METTL15: variants seen among roughly 807,000 people sequenced by gnomAD.
METTL15 encodes 12S rRNA N(4)-cytidine methyltransferase METTL15.
METTL15 carries 34 observed loss-of-function variants against 38.3 expected under a neutral mutation model. The ratio of observed to expected loss-of-function variants is 0.89; its 90% CI spans 0.68 to 1.18. The LOEUF is 1.18. METTL15 is among the 50% of genes most tolerant of loss of function. The probability of loss-of-function intolerance (pLI) is 0.00; values close to 1 mark genes in which losing one functional copy is unlikely to be tolerated. For synonymous variants in METTL15, 162 were observed against 170.9 expected, an observed-to-expected ratio of 0.95 and a Z score of 0.41; for missense variants, 438 against 498.4, an observed-to-expected ratio of 0.88 and a Z score of 1.15.
At chr11:28,416,084 C>A (rs1375707801) in intron 5 of METTL15, among the ~76,000 whole-genome samples, 6 of 152,218 alleles carry the variant, frequency 3.9e-5, no homozygotes, top group Non-Finnish European at 8.8e-5. Flanking sequence ...TCCAGATTGA[C>A]TTTACAATAG....
chr11:28,475,019 G>A (rs146885801), intron 6 of METTL15, among the ~76,000 whole-genome samples: 9 of 152,266 alleles, frequency 5.9e-5, no homozygotes, highest in Admixed American at 3.9e-4. Flanking sequence ...TAATCAGATC[G>A]TTTTGATAGC....
intron 3 of METTL15, among the ~76,000 whole-genome samples, chr11:28,349,912 A>T (rs1033018166): frequency 6.6e-6 from 1 of 152,236 alleles, no homozygotes; most frequent in Non-Finnish European, 1.5e-5. Context: ...ATAGAATTGC[A>T]CAGAAGGTGT....
At chr11:28,484,542 G>T (rs1339947602) in intron 6 of METTL15, among the ~76,000 whole-genome samples, 1 of 152,014 alleles carries the variant, frequency 6.6e-6, no homozygotes, top group Non-Finnish European at 1.5e-5. Context: ...TTTCTCCATT[G>T]CAGTCTCTAT....
chr11:28,151,181 TTATAC>T (rs1196981494), intron 3 of METTL15, among the ~76,000 whole-genome samples: 4 of 151,924 alleles, frequency 2.6e-5, no homozygotes, highest in Non-Finnish European at 1.5e-5. Flanking sequence ...ACTCTAAATA[TTATAC>T]TATATATAAT....
At chr11:28,356,985 G>T (rs1213185237) in intron 4 of METTL15, among the ~76,000 whole-genome samples, 1 of 152,162 alleles carries the variant, frequency 6.6e-6, no homozygotes, top group Admixed American at 6.5e-5. Flanking sequence ...GGCACAGTTA[G>T]CTGCACACTT....
chr11:28,117,677 C>T (rs12280725), intron 3 of METTL15, among the ~76,000 whole-genome samples: 23,347 of 152,060 alleles, frequency 0.15, 1,947 homozygotes, highest in East Asian at 0.28. Flanking sequence ...TTTAATGTTT[C>T]CAATGTTACT....
chr11:28,378,547 C>G (rs1351730424), intron 5 of METTL15, among the ~76,000 whole-genome samples: 1 of 152,142 alleles, frequency 6.6e-6, no homozygotes, highest in Non-Finnish European at 1.5e-5. Context: ...TGACCTGCAC[C>G]CACTGTCTGG....
At chr11:28,233,904 T>C (rs2133887485) in intron 4 of METTL15, among the ~76,000 whole-genome samples, 1 of 151,798 alleles carries the variant, frequency 6.6e-6, no homozygotes, top group African/African-American at 2.4e-5. Flanking sequence ...GCTGCACCCA[T>C]TAACTCGTCA....
intron 5 of METTL15, among the ~76,000 whole-genome samples, chr11:28,368,430 T>G (rs903825236): frequency 1.3e-5 from 2 of 151,954 alleles, no homozygotes; most frequent in Non-Finnish European, 2.9e-5. Context: ...ATTAGAAAAA[T>G]GCAAGTCAAA....
intron 4 of METTL15, among the ~76,000 whole-genome samples, chr11:28,244,553 G>GT (rs1337128404): frequency 6.6e-6 from 1 of 152,050 alleles, no homozygotes; most frequent in African/African-American, 2.4e-5. Flanking sequence ...AGTTCAGTTT[G>GT]TTTTTGGTAT....
At chr11:28,312,993 G>C (rs2134030170) in intron 6 of METTL15, among the ~76,000 whole-genome samples, 1 of 150,114 alleles carries the variant, frequency 6.7e-6, no homozygotes, top group African/African-American at 2.5e-5. Flanking sequence ...TTCTTTTTAA[G>C]CCCTGTCACT....
chr11:28,468,606 G>C, intron 6 of METTL15, among the ~76,000 whole-genome samples: 1 of 152,080 alleles, frequency 6.6e-6, no homozygotes, highest in East Asian at 1.9e-4. Context: ...GTCATAAATT[G>C]CCAAAGCACT....
chr11:28,471,667 A>T lies in METTL15; in HGVS notation c.*424+47303A>T, dbSNP rs548731991. On this transcript the variant is annotated intron_variant and NMD_transcript_variant, in intron 6 of 7. Transcript: ENST00000532947. The stretch of plus-strand genomic sequence containing the variant: ...ACAGAACATAACACATTCTGAACCA[A>T]GGTCTAGATATAATGCAAGCTTCTC... 2.4e-4 allele frequency among the ~76,000 whole-genome samples: 37 copies of T among 152,232 alleles called. No homozygotes were observed. The South Asian group carries it at 7.5e-3, about 31-fold the overall frequency.
chr11:28,515,023 T>G lies in METTL15; in HGVS notation c.*425-11455T>G, dbSNP rs752770294. ...AAAGAAATAATGATATCTATGTACA[T>G]TAAGTATGGCTACTACAGTTTTAAA... On this transcript the variant is annotated intron_variant and NMD_transcript_variant, in intron 6 of 7. Coordinates refer to the METTL15 transcript ENST00000532947. Among the ~76,000 whole-genome samples the G allele has an allele frequency of 2.4e-4, 37 of 152,338 alleles. 2 individuals are homozygous for G. The South Asian group carries it at 2.5e-3, about 10-fold the overall frequency.
chr11:28,341,024 C>T (rs1007777279), intron 3 of METTL15, among the ~76,000 whole-genome samples: 3 of 152,104 alleles, frequency 2.0e-5, no homozygotes, highest in Admixed American at 6.5e-5. Context: ...TTTGCAGGAA[C>T]GTGGATGAAG....
At position 28,519,766 on chromosome 11, in the gene METTL15, TA is replaced by T. The variant is rs943704235; in HGVS notation, c.*425-6703del. On this transcript the variant is annotated intron_variant and NMD_transcript_variant, in intron 6 of 7. Transcript: ENST00000532947. The stretch of plus-strand genomic sequence containing the variant: ...GTAATATTCTATTTTGCAGAAAGGC[TA>T]AAAAAAAATAGCATAGACATCACTG... Among the ~76,000 whole-genome samples, 487 of 150,644 alleles carry T rather than the reference TA, an allele frequency of 3.2e-3. 1 individual carries two copies. Among genetic ancestry groups the T allele is most frequent in the African/African-American group, 0.011 (460 of 41,058 alleles).
chr11:28,528,512 A>G (rs1851826523), downstream of METTL15, among the ~76,000 whole-genome samples: 1 of 152,194 alleles, frequency 6.6e-6, no homozygotes, highest in African/African-American at 2.4e-5. Flanking sequence ...ACTGAGAACA[A>G]ACTGAACCCA....
At chr11:28,272,499 A>T (rs991864846) in intron 4 of METTL15, among the ~76,000 whole-genome samples, 1 of 152,138 alleles carries the variant, frequency 6.6e-6, no homozygotes, top group Admixed American at 6.5e-5. Flanking sequence ...GCTCTCACTC[A>T]TAAGTGGGAG....
chr11:28,146,164 TA>T (rs1401862688), intron 3 of METTL15, among the ~76,000 whole-genome samples: 3 of 152,192 alleles, frequency 2.0e-5, no homozygotes, highest in Admixed American at 6.6e-5. Context: ...TTCTGACTGT[TA>T]AAACTTTCTG....
Sources: allele counts gnomAD v4.1 joint callset (sites outside exome capture counted in the v4.1 genomes callset), GRCh38; gene constraint gnomAD v4.1.1; transcripts MANE v1.5; gene names NCBI Gene and HGNC (gene_info 2026-07-23, HGNC 2026-07-21).